SARDH: variants seen among roughly 807,000 people sequenced by gnomAD.
The protein encoded by SARDH is sarcosine dehydrogenase.
In SARDH, 95 loss-of-function variants were observed where a neutral mutation model predicts 109.1. That is an observed-to-expected ratio of 0.87 (90% confidence interval 0.74 to 1.03). The LOEUF is 1.03. SARDH is among the 50% of genes least tolerant of loss of function. The pLI is 0.00. For synonymous variants in SARDH, 572 were observed against 534.8 expected, an observed-to-expected ratio of 1.07 and a Z score of -0.96; for missense variants, 1,267 against 1,287.8, an observed-to-expected ratio of 0.98 and a Z score of 0.25.
chr9:133,685,539 C>G (rs556380083), intron 16 of SARDH, among the ~76,000 whole-genome samples: 28 of 152,330 alleles, frequency 1.8e-4, no homozygotes, highest in African/African-American at 6.0e-4. Flanking sequence ...ATAGCTCTAA[C>G]GGGACTCGCG....
intron 16 of SARDH, among the ~76,000 whole-genome samples, chr9:133,687,590 A>G (rs906120539): frequency 1.3e-5 from 2 of 152,044 alleles, no homozygotes; most frequent in African/African-American, 4.8e-5. Flanking sequence ...CTCTACCAGC[A>G]CAGGGGGCTA....
intron 11 of SARDH, among the ~76,000 whole-genome samples, chr9:133,707,627 G>A (rs1831739518): frequency 6.6e-6 from 1 of 152,146 alleles, no homozygotes. Context: ...CATCCCCCGA[G>A]CACCTCAATG....
chr9:133,695,565 G>T (rs1312639169), intron 14 of SARDH, among the ~76,000 whole-genome samples: 1 of 152,214 alleles, frequency 6.6e-6, no homozygotes, highest in Non-Finnish European at 1.5e-5. Flanking sequence ...GCAGCTGGAA[G>T]AGCAAGGAAG....
intron 19 of SARDH, among the ~76,000 whole-genome samples, chr9:133,668,285 C>A (rs969236728): frequency 5.4e-5 from 2 of 36,864 alleles, no homozygotes; most frequent in African/African-American, 2.1e-4. Context: ...GTCCCTCTCC[C>A]TCCCTCTCCC....
intron 17 of SARDH, among the ~76,000 whole-genome samples, chr9:133,683,047 T>C (rs1218290814): frequency 6.6e-6 from 1 of 152,194 alleles, no homozygotes; most frequent in African/African-American, 2.4e-5. Flanking sequence ...CCACGCTGTG[T>C]TTGGCCTGGC....
chr9:133,684,869 C>T (rs1830827875), intron 17 of SARDH, among the ~76,000 whole-genome samples: 2 of 152,212 alleles, frequency 1.3e-5, no homozygotes, highest in African/African-American at 4.8e-5. Flanking sequence ...GAGGGCTGCC[C>T]CGCGCCTTTC....
chr9:133,719,634 AC>A (rs1241370779), intron 6 of SARDH, among the ~76,000 whole-genome samples: 1 of 70,962 alleles, frequency 1.4e-5, no homozygotes, highest in African/African-American at 5.1e-5. Context: ...CCATCCCCCC[AC>A]CCCCCCACCC....
intron 5 of SARDH, 53 bp from the exon 6 acceptor site, chr9:133,729,918 C>G (rs569639305): frequency 6.2e-7 from 1 of 1,601,926 alleles, no homozygotes; most frequent in South Asian, 1.1e-5. Context: ...TGGGAGCTGC[C>G]TCTCAGGTGT....
At chr9:133,679,557 G>T (rs1020720075) in intron 17 of SARDH, among the ~76,000 whole-genome samples, 2 of 152,242 alleles carry the variant, frequency 1.3e-5, no homozygotes, top group Non-Finnish European at 2.9e-5. Context: ...GGAACACCGT[G>T]TCTGGCCGAG....
At chr9:133,690,607 C>T in intron 15 of SARDH, 80 bp from the exon 16 acceptor site, 1 of 1,506,940 alleles carries the variant, frequency 6.6e-7, no homozygotes, top group Non-Finnish European at 9.0e-7. Flanking sequence ...CAAGGGTCTC[C>T]CGGCTGAGAA....
rs975704674 is a variant in SARDH at position 133,663,806 on chromosome 9, G to C, written c.*83C>G. 3.3e-5 allele frequency: 51 copies of C among 1,567,616 alleles called. No individual in the cohort carries two copies. The highest frequency in any genetic ancestry group is 3.8e-5 in the Non-Finnish European group (44 of 1,152,946). The stretch of plus-strand genomic sequence containing the variant: ...ACAGGGAGGGCACAAGTTCTGGCTG[G>C]GTCCAGGGTCCTGGGACCCAGGGCC... On this transcript the variant is annotated 3_prime_UTR_variant, in exon 21 of 21. Coordinates refer to ENST00000439388, the MANE Select transcript of SARDH (RefSeq NM_001134707.2).
intron 6 of SARDH, among the ~76,000 whole-genome samples, chr9:133,720,258 C>A (rs7857468): frequency 0.19 from 29,602 of 152,036 alleles, 3,019 homozygotes; most frequent in Middle Eastern, 0.25. Context: ...GAAACCCCAT[C>A]TCTACTAAAA....
chr9:133,690,589 G>T, intron 15 of SARDH, 62 bp from the exon 16 acceptor site: 1 of 1,563,258 alleles, frequency 6.4e-7, no homozygotes. Flanking sequence ...GGGACAGAGA[G>T]GGTGGCCCAA....
chr9:133,698,850 C>T (rs146796089), intron 13 of SARDH, among the ~76,000 whole-genome samples: 104 of 152,270 alleles, frequency 6.8e-4, no homozygotes, highest in African/African-American at 2.3e-3. Context: ...TTTTTACCTT[C>T]GGTTAGGTTC....
Position 133,671,569 on chromosome 9 carries a change from C to T in SARDH, c.2292G>A (p.Gly764=). ...AGAKHGLINA[G]YRAIDSLSIE... ...TGCTCAGGGAGTCGATGGCGCGGTA[C>T]CCTGCGTTGATGAGGCCGTGCTTGG... The change falls in exon 18 of 21, where the codon GGG becomes GGA. Residue 764 remains glycine, a synonymous_variant. Transcript: ENST00000439388. 1 of 1,609,032 alleles carries T rather than the reference C, an allele frequency of 6.2e-7. No individual in the cohort carries two copies. Among genetic ancestry groups the T allele is most frequent in the East Asian group, 2.2e-5 (1 of 44,744 alleles).
At chr9:133,661,368 A>C (rs990146687), downstream of SARDH, among the ~76,000 whole-genome samples, 8 of 152,006 alleles carry the variant, frequency 5.3e-5, no homozygotes, top group Non-Finnish European at 8.8e-5. Flanking sequence ...ACAAAAAAAA[A>C]CAAAATGGAA....
Position 133,731,404 on chromosome 9 carries a change from G to A in SARDH, c.591C>T (p.Asp197=). Residue 197 remains aspartate (D), a synonymous_variant, in exon 4 of 21, where the codon GAC becomes GAT. Coordinates refer to ENST00000439388, the MANE Select transcript of SARDH (RefSeq NM_001134707.2). ...TKTLYPLMNV[D]DLYGTLYVPH... ...GCACATACAGGGTCCCGTAGAGGTC[G>A]TCCACATTCATCAGCGGGTACAGAG... The A allele has an allele frequency of 3.1e-6, 5 of 1,614,180 alleles. No homozygotes were observed. The highest frequency in any genetic ancestry group is 3.4e-6 in the Non-Finnish European group (4 of 1,180,026).
At chr9:133,723,684 A>G (rs1832399519) in intron 6 of SARDH, among the ~76,000 whole-genome samples, 1 of 152,156 alleles carries the variant, frequency 6.6e-6, no homozygotes, top group African/African-American at 2.4e-5. Context: ...AATGGCATGA[A>G]CCCAGGAGGC....
chr9:133,713,173 T>C, intron 8 of SARDH, 49 bp from the exon 9 acceptor site: 2 of 1,521,726 alleles, frequency 1.3e-6, no homozygotes, highest in Middle Eastern at 1.7e-4. Flanking sequence ...GTGCACATAC[T>C]CTTGGGGTGA....
Sources: gnomAD v4.1 joint callset for allele counts (sites outside exome capture counted in the v4.1 genomes callset) on GRCh38, gnomAD v4.1.1 for gene constraint, MANE v1.5 for transcripts, NCBI Gene and HGNC (gene_info 2026-07-23, HGNC 2026-07-21) for gene names.